Variants in SCMH1 observed in about 807,000 individuals in gnomAD.
SCMH1 encodes Scm polycomb group protein homolog 1, also known as polycomb protein SCMH1.
SCMH1 carries 37 observed loss-of-function variants against 70.8 expected under a neutral mutation model. That is an observed-to-expected ratio of 0.52 (90% CI 0.40 to 0.69). The LOEUF is 0.69. SCMH1 is among the 30% of genes least tolerant of loss of function. The pLI is 0.00. For synonymous variants in SCMH1, 292 were observed against 307.4 expected (o/e 0.95, Z 0.52); for missense variants, 607 against 827.3 (o/e 0.73, Z 3.27).
At chr1:41,122,280 A>G (rs1230435832) in intron 6 of SCMH1, among the ~76,000 whole-genome samples, 3 of 152,178 alleles carry the variant, frequency 2.0e-5, no homozygotes, top group Admixed American at 6.5e-5. Flanking sequence ...TCTGTTCTCA[A>G]ATATACCAAG....
chr1:41,032,808 T>A (rs1644721857), intron 13 of SCMH1, among the ~76,000 whole-genome samples: 1 of 151,862 alleles, frequency 6.6e-6, no homozygotes, highest in African/African-American at 2.4e-5. Context: ...TGAAACCCCG[T>A]CTCTACTAAA....
At position 41,180,116 on chromosome 1, in the gene SCMH1, T is replaced by C. The variant is rs187166002; in HGVS notation, c.13+6005A>G. Among the ~76,000 whole-genome samples the C allele has an allele frequency of 6.1e-3, 932 of 152,208 alleles. 6 individuals carry two copies. The highest frequency in any genetic ancestry group is 8.6e-3 in the Non-Finnish European group (588 of 67,998). Reference sequence around the variant, plus strand: ...TAAACAGAACCAACGACAAAAACCATATGATTATCTCAATAGATGCAGAAA... The same window carrying C: ...TAAACAGAACCAACGACAAAAACCACATGATTATCTCAATAGATGCAGAAA... On this transcript the variant is annotated intron_variant, in intron 2 of 14. Transcript: ENST00000337495.
At chr1:41,177,757 G>A (rs1452982524) in intron 2 of SCMH1, among the ~76,000 whole-genome samples, 5 of 152,154 alleles carry the variant, frequency 3.3e-5, no homozygotes, top group African/African-American at 7.2e-5. Context: ...CCAAATCTAC[G>A]TCTGATTGGT....
At chr1:41,198,190 T>C (rs1215117523) in intron 1 of SCMH1, among the ~76,000 whole-genome samples, 1 of 152,254 alleles carries the variant, frequency 6.6e-6, no homozygotes, top group African/African-American at 2.4e-5. Flanking sequence ...GTCATATTAC[T>C]GATCGCTGAT....
intron 8 of SCMH1, among the ~76,000 whole-genome samples, chr1:41,103,979 T>C (rs1431472531): frequency 6.6e-6 from 1 of 152,206 alleles, no homozygotes; most frequent in Admixed American, 6.5e-5. Flanking sequence ...AAATCAGTTA[T>C]GAGAGTACTG....
intron 10 of SCMH1, among the ~76,000 whole-genome samples, chr1:41,051,005 C>T (rs1286281609): frequency 6.6e-6 from 1 of 151,996 alleles, no homozygotes; most frequent in Non-Finnish European, 1.5e-5. Flanking sequence ...TGAAAAGACA[C>T]CTATAAGAAT....
At chr1:41,142,708 G>A (rs576583856) in intron 6 of SCMH1, among the ~76,000 whole-genome samples, 170 bp downstream of exon 6, 42 of 152,304 alleles carry the variant, frequency 2.8e-4, no homozygotes, top group Non-Finnish European at 4.0e-4. Flanking sequence ...TGTAGAGATG[G>A]AGATGTCCAA....
At chr1:41,179,872 G>C (rs1648200755) in intron 2 of SCMH1, among the ~76,000 whole-genome samples, 1 of 152,156 alleles carries the variant, frequency 6.6e-6, no homozygotes, top group Admixed American at 6.5e-5. Flanking sequence ...TATGAGGCCA[G>C]CATCATCCTG....
intron 10 of SCMH1, among the ~76,000 whole-genome samples, chr1:41,052,917 C>CTTTTTTTTTTTTTTTTTT (rs113009874): frequency 7.4e-6 from 1 of 134,804 alleles, no homozygotes; most frequent in African/African-American, 2.8e-5. Flanking sequence ...AAATTGTAGG[C>CTTTTTTTTTTTTTTTTTT]TTTTTTTTTT....
At chr1:41,034,730 G>A (rs964783197) in intron 13 of SCMH1, among the ~76,000 whole-genome samples, 1 of 152,138 alleles carries the variant, frequency 6.6e-6, no homozygotes, top group Non-Finnish European at 1.5e-5. Flanking sequence ...TCAGGGTGTG[G>A]AAGTGACATT....
At chr1:41,214,202 G>T (rs1019980641) in intron 1 of SCMH1, among the ~76,000 whole-genome samples, 1 of 152,024 alleles carries the variant, frequency 6.6e-6, no homozygotes, top group Non-Finnish European at 1.5e-5. Context: ...CTGTGTACAG[G>T]TTTTTAAATT....
intron 8 of SCMH1, among the ~76,000 whole-genome samples, chr1:41,092,518 C>A (rs1663881011): frequency 6.6e-6 from 1 of 152,124 alleles, no homozygotes; most frequent in South Asian, 2.1e-4. Context: ...CCAAAATTGA[C>A]AAATGGGATC....
In SCMH1 at chr1:41,175,914, T is replaced by G. The variant is rs554432097; in HGVS notation, c.13+10207A>C. On this transcript the variant is annotated intron_variant, in intron 2 of 14. Transcript: ENST00000337495. Reference sequence around the variant, plus strand: ...TATTAGGGGATCATGATTAATTTTATGTTTAAAAATTTTCATAATTAGAAA... The same window carrying G: ...TATTAGGGGATCATGATTAATTTTAGGTTTAAAAATTTTCATAATTAGAAA... Among the ~76,000 whole-genome samples, 38 of 152,214 alleles carry G rather than the reference T, an allele frequency of 2.5e-4. 1 individual carries two copies. The South Asian group carries it at 7.7e-3, about 31-fold the overall frequency.
intron 10 of SCMH1, among the ~76,000 whole-genome samples, chr1:41,069,086 C>T (rs1023295250): frequency 3.3e-5 from 5 of 152,080 alleles, no homozygotes; most frequent in African/African-American, 1.2e-4. Flanking sequence ...ACAAGGAAAT[C>T]AACAAGATTT....
At chr1:41,054,026 A>C (rs2148741176) in intron 10 of SCMH1, among the ~76,000 whole-genome samples, 1 of 152,050 alleles carries the variant, frequency 6.6e-6, no homozygotes, top group African/African-American at 2.4e-5. Flanking sequence ...TTGTATTTTT[A>C]GTAGAGACGG....
chr1:41,064,085 T>C (rs1002778351), intron 10 of SCMH1, among the ~76,000 whole-genome samples: 5 of 152,186 alleles, frequency 3.3e-5, no homozygotes, highest in Admixed American at 1.3e-4. Context: ...CAAGGCTGAC[T>C]CAACATTCAA....
chr1:41,083,043 C>T lies in SCMH1; in HGVS notation c.746-7592G>A, dbSNP rs1558720481. ...ATACTGAATGGGCCAACACTGGAAGCATTCCCTTTGAAAACTGGCACAAGA... is the reference window on the plus strand; with the variant it reads ...ATACTGAATGGGCCAACACTGGAAGTATTCCCTTTGAAAACTGGCACAAGA... On this transcript the variant is annotated intron_variant, in intron 8 of 14. Transcript: ENST00000337495. Among the ~76,000 whole-genome samples the T allele has an allele frequency of 8.5e-5, 13 of 152,308 alleles. No individual in the cohort carries two copies. The South Asian group carries it at 2.7e-3, about 32-fold the overall frequency.
At chr1:41,196,037 C>T (rs1652938168) in intron 1 of SCMH1, among the ~76,000 whole-genome samples, 2 of 151,852 alleles carry the variant, frequency 1.3e-5, no homozygotes, top group South Asian at 4.1e-4. Context: ...CTGAAAACTA[C>T]AAAATATTGC....
chr1:41,117,319 G>A (rs1184270639), intron 6 of SCMH1, among the ~76,000 whole-genome samples: 1 of 151,824 alleles, frequency 6.6e-6, no homozygotes, highest in Non-Finnish European at 1.5e-5. Context: ...ATAGTGAGAA[G>A]TGACCAGAAG....
Sources: allele counts gnomAD v4.1 joint callset (sites outside exome capture counted in the v4.1 genomes callset), GRCh38; gene constraint gnomAD v4.1.1; transcripts MANE v1.5; gene names NCBI Gene and HGNC (gene_info 2026-07-23, HGNC 2026-07-21).